Variants in RASAL2 observed in about 807,000 individuals in gnomAD.
RASAL2 encodes RAS protein activator like 2.
In RASAL2, 58 loss-of-function variants were observed where a neutral mutation model predicts 128.9. That is an observed-to-expected ratio of 0.45 (90% CI 0.36 to 0.56). The LOEUF (loss-of-function observed/expected upper bound fraction) is 0.56. RASAL2 is among the 20% of genes least tolerant of loss of function. The pLI, the probability that RASAL2 is intolerant of heterozygous loss-of-function variation, is 0.00. For synonymous variants in RASAL2, 561 were observed against 580.8 expected (o/e 0.97, Z 0.49); for missense variants, 1,360 against 1,601.6 (o/e 0.85, Z 2.57).
Position 178,094,329 on chromosome 1 carries a change from A to T in RASAL2, c.-164A>T, listed in dbSNP as rs1387116017. 1 of 625,538 alleles carries T rather than the reference A, an allele frequency of 1.6e-6. No homozygotes were observed. The highest frequency in any genetic ancestry group is 2.6e-6 in the Non-Finnish European group (1 of 383,256). 38.7% of individuals were successfully genotyped at this position (625,538 alleles called of 1,614,324 possible). A position where few individuals can be genotyped will look rare whatever the true frequency, so the allele number is the denominator to read the frequency against. On this transcript the variant is annotated 5_prime_UTR_variant, in exon 1 of 18. Transcript: ENST00000367649. The stretch of plus-strand genomic sequence containing the variant: ...GGGCTGCATCGCCCGAGCCTCGGGC[A>T]GTGGGCGACGGGGAAGGAGGTGAGA...
intron 3 of RASAL2, among the ~76,000 whole-genome samples, chr1:178,324,898 T>C (rs1274428986): frequency 2.0e-5 from 3 of 152,194 alleles, no homozygotes; most frequent in African/African-American, 7.2e-5. Flanking sequence ...TTTGGCTTGT[T>C]ATGACCCCCT....
At chr1:178,421,586 A>G (rs1675144349) in intron 5 of RASAL2, among the ~76,000 whole-genome samples, 2 of 152,118 alleles carry the variant, frequency 1.3e-5, no homozygotes, top group Non-Finnish European at 2.9e-5. Context: ...CACAGCTAAT[A>G]AGTAGTAGAG....
At chr1:178,218,401 A>G (rs1449333169) in intron 1 of RASAL2, among the ~76,000 whole-genome samples, 1 of 152,184 alleles carries the variant, frequency 6.6e-6, no homozygotes, top group Non-Finnish European at 1.5e-5. Flanking sequence ...TATAGTCAGT[A>G]TGCGGCCAGG....
At chr1:178,182,862 T>C (rs1365957771) in intron 1 of RASAL2, among the ~76,000 whole-genome samples, 1 of 137,622 alleles carries the variant, frequency 7.3e-6, no homozygotes, top group Non-Finnish European at 1.6e-5. Context: ...TGGGGGTGGG[T>C]AGGTGGGGGA....
rs564369487 is a variant in RASAL2, at chr1:178,240,515, G to T, written c.203-43049G>T. ...TTTATTTTAAATACAAGAATATAAA[G>T]GGATGTTTTATCCAAAAGCAAATGG... On this transcript the variant is annotated intron_variant, in intron 1 of 17. Coordinates refer to ENST00000367649, the MANE Select transcript of RASAL2 (RefSeq NM_170692.4). 2.4e-4 allele frequency among the ~76,000 whole-genome samples: 36 copies of T among 151,568 alleles called. 1 individual carries two copies. The South Asian group carries it at 7.5e-3, about 32-fold the overall frequency.
intron 2 of RASAL2, among the ~76,000 whole-genome samples, chr1:178,284,104 G>A (rs1471925408): frequency 6.6e-6 from 1 of 152,180 alleles, no homozygotes. Flanking sequence ...CAGCATAAAG[G>A]ACCTAACTAA....
chr1:178,117,101 A>G (rs1224135670), intron 1 of RASAL2, among the ~76,000 whole-genome samples: 3 of 152,208 alleles, frequency 2.0e-5, no homozygotes, highest in Non-Finnish European at 2.9e-5. Context: ...TTTATGCCAT[A>G]TATTGAAGAA....
intron 1 of RASAL2, among the ~76,000 whole-genome samples, chr1:178,181,421 G>A (rs1331344527): frequency 2.0e-5 from 3 of 151,536 alleles, no homozygotes; most frequent in African/African-American, 7.3e-5. Flanking sequence ...GCAGTGGCGC[G>A]ATCTCAGCTC....
chr1:178,159,754 C>T (rs1453164405), intron 1 of RASAL2, among the ~76,000 whole-genome samples: 1 of 152,008 alleles, frequency 6.6e-6, no homozygotes, highest in African/African-American at 2.4e-5. Context: ...CATGGTGAAA[C>T]TCTGTTTTTA....
chr1:178,286,637 C>T (rs1667040903), intron 2 of RASAL2, among the ~76,000 whole-genome samples: 1 of 152,328 alleles, frequency 6.6e-6, no homozygotes, highest in African/African-American at 2.4e-5. Context: ...GTCTCGAACT[C>T]CTGACCTCAG....
chr1:178,352,867 C>T (rs116722803), intron 3 of RASAL2, among the ~76,000 whole-genome samples: 232 of 152,350 alleles, frequency 1.5e-3, no homozygotes, highest in African/African-American at 5.4e-3. Context: ...GAAGCAGCAG[C>T]CTAAGCTGTA....
At position 178,185,581 on chromosome 1, in the gene RASAL2, G is replaced by A. The variant is rs140901658; in HGVS notation, c.202+90887G>A. On this transcript the variant is annotated intron_variant, in intron 1 of 17. Coordinates refer to ENST00000367649, the MANE Select transcript of RASAL2 (RefSeq NM_170692.4). ...TGAACTCATGTCATGGGGAGTGAGGGGGTTAAATCATGAATGGGTGTTGGA... is the reference window on the plus strand; with the variant it reads ...TGAACTCATGTCATGGGGAGTGAGGAGGTTAAATCATGAATGGGTGTTGGA... 1.3e-4 allele frequency among the ~76,000 whole-genome samples: 19 copies of A among 151,776 alleles called. No individual in the cohort carries two copies. In the East Asian group the frequency reaches 3.1e-3, roughly 25 times the overall value.
intron 2 of RASAL2, among the ~76,000 whole-genome samples, chr1:178,284,359 G>A (rs949285020): frequency 6.6e-6 from 1 of 152,164 alleles, no homozygotes; most frequent in Non-Finnish European, 1.5e-5. Context: ...CTGATTTCTT[G>A]CCAGTGTCAC....
chr1:178,216,970 A>AT (rs1307915099), intron 1 of RASAL2, among the ~76,000 whole-genome samples: 1 of 150,704 alleles, frequency 6.6e-6, no homozygotes, highest in Non-Finnish European at 1.5e-5. Context: ...AGATTTTATT[A>AT]TTATTTATTT....
intron 1 of RASAL2, among the ~76,000 whole-genome samples, chr1:178,113,358 G>A (rs916951514): frequency 6.6e-6 from 1 of 151,908 alleles, no homozygotes; most frequent in Non-Finnish European, 1.5e-5. Flanking sequence ...ACCCAGGCTG[G>A]AGCTCAGTTG....
intron 1 of RASAL2, among the ~76,000 whole-genome samples, chr1:178,161,986 T>C (rs1476751934): frequency 1.4e-5 from 2 of 147,066 alleles, no homozygotes; most frequent in Non-Finnish European, 3.0e-5. Context: ...TTATTTATTT[T>C]GAGACGGAGT....
chr1:178,163,900 T>G (rs1661423492), intron 1 of RASAL2, among the ~76,000 whole-genome samples: 1 of 152,206 alleles, frequency 6.6e-6, no homozygotes, highest in South Asian at 2.1e-4. Flanking sequence ...TAGTAATCCA[T>G]GAATGGGATT....
intron 1 of RASAL2, among the ~76,000 whole-genome samples, chr1:178,117,485 A>G (rs1450237018): frequency 6.6e-6 from 1 of 152,202 alleles, no homozygotes; most frequent in Non-Finnish European, 1.5e-5. Flanking sequence ...CACAATTAGG[A>G]TGTGGAATAT....
intron 1 of RASAL2, among the ~76,000 whole-genome samples, chr1:178,179,900 A>G (rs1662028660): frequency 6.6e-6 from 1 of 152,178 alleles, no homozygotes; most frequent in Non-Finnish European, 1.5e-5. Context: ...GAAAATAACC[A>G]TAATTTTCTG....
Sources: allele counts gnomAD v4.1 joint callset (sites outside exome capture counted in the v4.1 genomes callset), GRCh38; gene constraint gnomAD v4.1.1; transcripts MANE v1.5; gene names NCBI Gene and HGNC (gene_info 2026-07-23, HGNC 2026-07-21).